The following DLG2 variants were observed in gnomAD, a reference collection of about 807,000 sequenced individuals.
The protein encoded by DLG2 is disks large homolog 2.
Under a neutral mutation model 132.5 loss-of-function variants are expected in DLG2, and 45 were observed. That is an observed-to-expected ratio of 0.34 (90% CI 0.27 to 0.44). The LOEUF (loss-of-function observed/expected upper bound fraction) is 0.44, where lower values mean the gene tolerates loss of function less well. DLG2 is among the 20% of genes least tolerant of loss of function. DLG2 has a pLI of 1.00. For synonymous variants in DLG2, 424 were observed against 419.6 expected, an observed-to-expected ratio of 1.01 and a Z score of -0.13; for missense variants, 1,045 against 1,196.9, an observed-to-expected ratio of 0.87 and a Z score of 1.87.
intron 17 of DLG2, among the ~76,000 whole-genome samples, chr11:83,792,925 C>A (rs1169173221): frequency 1.3e-5 from 2 of 152,116 alleles, no homozygotes; most frequent in Non-Finnish European, 2.9e-5. Context: ...CGATTTTCAA[C>A]TTCCTCACAC....
intron 6 of DLG2, among the ~76,000 whole-genome samples, chr11:84,832,079 C>T (rs2079120146): frequency 6.6e-6 from 1 of 151,696 alleles, no homozygotes. Context: ...TATTTGCCAG[C>T]CCTATCCTAA....
chr11:85,510,043 T>G (rs1046127995), intron 3 of DLG2: 2 of 68,912 alleles, frequency 2.9e-5, no homozygotes, highest in African/African-American at 1.0e-4. Flanking sequence ...CCCCATGTTT[T>G]TAATCAAAAA....
At chr11:84,102,059 T>C (rs2092571916) in intron 9 of DLG2, among the ~76,000 whole-genome samples, 1 of 152,178 alleles carries the variant, frequency 6.6e-6, no homozygotes. Context: ...ACCAGAAACT[T>C]CACATCGCCT....
intron 6 of DLG2, among the ~76,000 whole-genome samples, chr11:84,848,301 C>G (rs553421740): frequency 1.4e-4 from 22 of 152,098 alleles, no homozygotes; most frequent in African/African-American, 5.3e-4. Flanking sequence ...CAAGACTAGC[C>G]TGGACAACAT....
chr11:83,726,890 G>A (rs2090113601), intron 18 of DLG2, among the ~76,000 whole-genome samples: 1 of 152,124 alleles, frequency 6.6e-6, no homozygotes, highest in Non-Finnish European at 1.5e-5. Flanking sequence ...CCCTTCAGAT[G>A]AACACTCTCT....
At chr11:85,198,068 C>T (rs1268222327) in intron 4 of DLG2, among the ~76,000 whole-genome samples, 3 of 151,664 alleles carry the variant, frequency 2.0e-5, no homozygotes, top group Non-Finnish European at 4.4e-5. Context: ...ACTTATTAGA[C>T]GCAGGTCTAG....
At chr11:85,505,765 A>T (rs941635784) in intron 3 of DLG2, among the ~76,000 whole-genome samples, 3 of 152,062 alleles carry the variant, frequency 2.0e-5, no homozygotes, top group Non-Finnish European at 4.4e-5. Context: ...CCGCTTTTTC[A>T]ATTGATTGGA....
intron 6 of DLG2, among the ~76,000 whole-genome samples, chr11:84,597,046 C>T (rs927610755): frequency 2.0e-5 from 3 of 151,996 alleles, no homozygotes; most frequent in African/African-American, 7.2e-5. Context: ...AATGGGGAAA[C>T]CCCATCTCTA....
chr11:84,932,635 T>G (rs2048236069), intron 6 of DLG2, among the ~76,000 whole-genome samples: 1 of 152,194 alleles, frequency 6.6e-6, no homozygotes, highest in Admixed American at 6.5e-5. Context: ...CCTGTGTTAG[T>G]CTGCTGGGGA....
intron 4 of DLG2, among the ~76,000 whole-genome samples, chr11:85,247,321 CT>C (rs1485848890): frequency 1.3e-5 from 2 of 151,998 alleles, no homozygotes; most frequent in African/African-American, 4.8e-5. Context: ...CTACCTCCCC[CT>C]GGGCATGGGG....
At chr11:85,343,371 T>C (rs2082625601) in intron 3 of DLG2, among the ~76,000 whole-genome samples, 1 of 152,190 alleles carries the variant, frequency 6.6e-6, no homozygotes, top group African/African-American at 2.4e-5. Flanking sequence ...TATTTCCTCT[T>C]TGTTTATCCC....
chr11:84,621,619 T>A (rs1273542557), intron 6 of DLG2, among the ~76,000 whole-genome samples: 2 of 152,112 alleles, frequency 1.3e-5, no homozygotes, highest in Non-Finnish European at 2.9e-5. Context: ...TGGAGAGAAA[T>A]AAATGTACAA....
chr11:84,272,503 G>A (rs17499985), intron 7 of DLG2, among the ~76,000 whole-genome samples: 17,485 of 151,650 alleles, frequency 0.12, 1,054 homozygotes, highest in Admixed American at 0.15. Flanking sequence ...ACCTTATCTC[G>A]GCCTATCAAA....
At chr11:84,787,132 A>C (rs2153930834) in intron 6 of DLG2, among the ~76,000 whole-genome samples, 1 of 152,180 alleles carries the variant, frequency 6.6e-6, no homozygotes, top group African/African-American at 2.4e-5. Flanking sequence ...ACCCACATTC[A>C]CTCATGCCCC....
chr11:83,668,638 T>C (rs1220838200), intron 18 of DLG2, among the ~76,000 whole-genome samples: 1 of 151,624 alleles, frequency 6.6e-6, no homozygotes, highest in Non-Finnish European at 1.5e-5. Flanking sequence ...CACATGTATA[T>C]ATACACACAT....
chr11:83,859,475 T>A (rs1205108267), intron 16 of DLG2, among the ~76,000 whole-genome samples: 3 of 152,202 alleles, frequency 2.0e-5, no homozygotes, highest in African/African-American at 7.2e-5. Flanking sequence ...GCCCCTGCCC[T>A]AGAGATTTGT....
intron 7 of DLG2, among the ~76,000 whole-genome samples, chr11:84,458,659 T>C (rs2099071964): frequency 1.3e-5 from 2 of 150,748 alleles, no homozygotes; most frequent in Non-Finnish European, 3.0e-5. Flanking sequence ...ACTTTTTCTA[T>C]TTTAAACATA....
chr11:84,354,579 T>C (rs1187686997), intron 7 of DLG2, among the ~76,000 whole-genome samples: 1 of 152,112 alleles, frequency 6.6e-6, no homozygotes, highest in Non-Finnish European at 1.5e-5. Context: ...TATAGAAAAT[T>C]GCTCTCACTG....
Position 83,531,097 on chromosome 11 carries a change from T to C in DLG2, c.2193+1611A>G, listed in dbSNP as rs534323244. ...TGATATAAATCTTCATGACTTTCAT[T>C]AGGCAATGGTTTCTTAGATATGACA... On this transcript the variant is annotated intron_variant, in intron 21 of 27. Transcript: ENST00000376104. Among the ~76,000 whole-genome samples, 250 of 152,086 alleles carry C rather than the reference T, an allele frequency of 1.6e-3. 2 individuals are homozygous for C. Among genetic ancestry groups the C allele is most frequent in the East Asian group, 7.7e-4 (4 of 5,190 alleles).
Sources: allele counts gnomAD v4.1 joint callset (sites outside exome capture counted in the v4.1 genomes callset), GRCh38; gene constraint gnomAD v4.1.1; transcripts MANE v1.5; gene names NCBI Gene and HGNC (gene_info 2026-07-23, HGNC 2026-07-21).